The following ANKFN1 variants were observed in gnomAD, a reference collection of about 807,000 sequenced individuals.
ANKFN1 encodes ankyrin repeat and fibronectin type III domain containing 1.
A neutral mutation model predicts 108.7 loss-of-function variants in ANKFN1; 74 were observed. That is an observed-to-expected ratio of 0.68 (90% CI 0.56 to 0.83). ANKFN1 has a LOEUF of 0.83. Among genes scored for constraint, ANKFN1 ranks in the 40% least tolerant of loss-of-function variants. The pLI is 0.00. For missense variants in ANKFN1, 1,505 were observed against 1,382.3 expected (o/e 1.09, Z -1.41); for synonymous variants, 547 against 516.2 (o/e 1.06, Z -0.81).
chr17:56,167,038 G>C (rs2143537877), intron 1 of ANKFN1, among the ~76,000 whole-genome samples: 1 of 151,854 alleles, frequency 6.6e-6, no homozygotes, highest in Non-Finnish European at 1.5e-5. Flanking sequence ...AATCAATAAT[G>C]ACTTGTTTAA....
chr17:56,091,170 C>A (rs1010259914), intron 4 of ANKFN1, among the ~76,000 whole-genome samples: 1 of 150,690 alleles, frequency 6.6e-6, no homozygotes, highest in Non-Finnish European at 1.5e-5. Context: ...AATGGTAGAA[C>A]GTGAAAGAGA....
At chr17:56,463,655 C>T (rs1053923719) in intron 14 of ANKFN1, among the ~76,000 whole-genome samples, 1 of 152,176 alleles carries the variant, frequency 6.6e-6, no homozygotes, top group Non-Finnish European at 1.5e-5. Flanking sequence ...CTTATCCCCC[C>T]AAAACAGTAA....
chr17:56,113,788 G>A (rs1446620500), intron 4 of ANKFN1, among the ~76,000 whole-genome samples: 5 of 152,154 alleles, frequency 3.3e-5, no homozygotes, highest in Admixed American at 6.5e-5. Flanking sequence ...CACCCACAGG[G>A]AGAAATAGAG....
At chr17:56,266,444 C>T (rs1399834104) in intron 3 of ANKFN1, among the ~76,000 whole-genome samples, 1 of 152,162 alleles carries the variant, frequency 6.6e-6, no homozygotes, top group East Asian at 1.9e-4. Context: ...TCATCTTTCT[C>T]CACTAGCAAT....
chr17:56,358,511 T>C (rs1449637171), intron 6 of ANKFN1, among the ~76,000 whole-genome samples: 1 of 152,198 alleles, frequency 6.6e-6, no homozygotes, highest in Non-Finnish European at 1.5e-5. Context: ...AAGTTAAATA[T>C]ATACAGAACC....
chr17:56,116,123 G>A (rs1480017100), intron 4 of ANKFN1, among the ~76,000 whole-genome samples: 1 of 152,098 alleles, frequency 6.6e-6, no homozygotes, highest in Non-Finnish European at 1.5e-5. Context: ...GTAGAACCGA[G>A]CATCCTCTTT....
At chr17:56,315,414 C>G (rs894781588) in intron 3 of ANKFN1, among the ~76,000 whole-genome samples, 19 of 152,272 alleles carry the variant, frequency 1.2e-4, no homozygotes, top group African/African-American at 4.1e-4. Flanking sequence ...CTGACAAATG[C>G]GTGAAACACT....
chr17:56,267,905 G>T lies in ANKFN1; in HGVS notation c.53+39948G>T, dbSNP rs150932619. Among the ~76,000 whole-genome samples, 7 of 152,006 alleles carry T rather than the reference G, an allele frequency of 4.6e-5. No individual in the cohort carries two copies. The East Asian group carries it at 1.4e-3, about 29-fold the overall frequency. On this transcript the variant is annotated intron_variant, in intron 3 of 20. Coordinates refer to ENST00000682825, the MANE Select transcript of ANKFN1 (RefSeq NM_001370326.1). The stretch of plus-strand genomic sequence containing the variant: ...CTTTTTTGGTTCCATAGGATTTTTA[G>T]AATTTTTTTTCCTAATTCTGTGAAA...
intron 8 of ANKFN1, among the ~76,000 whole-genome samples, chr17:56,383,995 T>C (rs1405054893): frequency 1.3e-5 from 2 of 152,222 alleles, no homozygotes; most frequent in Non-Finnish European, 2.9e-5. Context: ...AGCATCATCC[T>C]GATACCAAAG....
At chr17:56,329,201 A>G (rs563724498) in intron 4 of ANKFN1, among the ~76,000 whole-genome samples, 1 of 152,126 alleles carries the variant, frequency 6.6e-6, no homozygotes, top group African/African-American at 2.4e-5. Context: ...TGGCCCTGCT[A>G]CCTCTTCAGG....
chr17:56,503,221 G>A (rs1372827539), intron 20 of ANKFN1, among the ~76,000 whole-genome samples: 1 of 151,834 alleles, frequency 6.6e-6, no homozygotes. Context: ...TCCTTCAGAT[G>A]CATTTGAAGG....
intron 4 of ANKFN1, among the ~76,000 whole-genome samples, chr17:56,336,027 T>G (rs1194161954): frequency 6.6e-6 from 1 of 152,106 alleles, no homozygotes; most frequent in Admixed American, 6.6e-5. Flanking sequence ...TTATTGATTT[T>G]TGTATGTTGA....
At chr17:56,327,193 G>A (rs183744468) in intron 4 of ANKFN1, among the ~76,000 whole-genome samples, 2 of 152,254 alleles carry the variant, frequency 1.3e-5, no homozygotes, top group East Asian at 3.9e-4. Flanking sequence ...CTAAATAAGA[G>A]GTAGGCCAAC....
intron 4 of ANKFN1, among the ~76,000 whole-genome samples, chr17:56,056,622 T>C (rs913776378): frequency 5.9e-5 from 9 of 152,184 alleles, no homozygotes; most frequent in African/African-American, 2.2e-4. Context: ...GCTAGACATA[T>C]GCAGAAGAAT....
At chr17:56,509,408 T>G (rs2051672046) in intron 20 of ANKFN1, among the ~76,000 whole-genome samples, 1 of 152,172 alleles carries the variant, frequency 6.6e-6, no homozygotes, top group Non-Finnish European at 1.5e-5. Flanking sequence ...ACACATCTAG[T>G]TACAGGCAAA....
intron 3 of ANKFN1, among the ~76,000 whole-genome samples, chr17:56,316,540 C>T (rs1025293609): frequency 6.6e-6 from 1 of 152,104 alleles, no homozygotes; most frequent in Non-Finnish European, 1.5e-5. Context: ...ATTCATTTAG[C>T]AGTTAGCCAA....
chr17:56,422,809 A>C (rs1014298652), intron 8 of ANKFN1, among the ~76,000 whole-genome samples: 32 of 152,234 alleles, frequency 2.1e-4, no homozygotes, highest in Non-Finnish European at 7.3e-5. Context: ...AAATGGAGGA[A>C]TCTGTTTCAT....
intron 3 of ANKFN1, among the ~76,000 whole-genome samples, chr17:56,279,207 G>T (rs2044009328): frequency 6.6e-6 from 1 of 152,006 alleles, no homozygotes; most frequent in African/African-American, 2.4e-5. Flanking sequence ...CCAATATAAA[G>T]AACTAAAAAT....
intron 3 of ANKFN1, among the ~76,000 whole-genome samples, chr17:56,273,683 A>G (rs1192998862): frequency 6.6e-6 from 1 of 152,240 alleles, no homozygotes; most frequent in Non-Finnish European, 1.5e-5. Flanking sequence ...AACTAAAAGT[A>G]TAAAAATGTT....
Sources: allele counts gnomAD v4.1 joint callset (sites outside exome capture counted in the v4.1 genomes callset), GRCh38; gene constraint gnomAD v4.1.1; transcripts MANE v1.5; gene names NCBI Gene and HGNC (gene_info 2026-07-23, HGNC 2026-07-21).